The following IL33 variants were observed in gnomAD, a reference collection of about 807,000 sequenced individuals.
The protein encoded by IL33 is interleukin 33, also known as interleukin-33.
IL33 carries 37 observed loss-of-function variants against 27.3 expected under a neutral mutation model. That is an observed-to-expected ratio of 1.36 (90% CI 1.04 to 1.78). The LOEUF (loss-of-function observed/expected upper bound fraction) is 1.78. Among genes scored for constraint, IL33 ranks in the 40% most tolerant of loss-of-function variants. The probability of loss-of-function intolerance (pLI) is 0.00; values close to 1 mark genes in which losing one functional copy is unlikely to be tolerated. For missense variants in IL33, 406 were observed against 311.4 expected (o/e 1.30, Z -2.29); for synonymous variants, 132 against 102.9 (o/e 1.28, Z -1.71).
intron 1 of IL33, among the ~76,000 whole-genome samples, chr9:6,228,819 C>T (rs1236655347): frequency 6.7e-6 from 1 of 148,606 alleles, no homozygotes; most frequent in East Asian, 2.0e-4. Flanking sequence ...TGCCCTCCAG[C>T]CTAGGTGACA....
At chr9:6,231,053 T>C (rs1818904966) in intron 1 of IL33, among the ~76,000 whole-genome samples, 1 of 152,166 alleles carries the variant, frequency 6.6e-6, no homozygotes, top group African/African-American at 2.4e-5. Context: ...GCTACTACTA[T>C]CATCATTATC....
intron 2 of IL33, among the ~76,000 whole-genome samples, chr9:6,246,320 T>C (rs999883156): frequency 1.1e-4 from 17 of 152,064 alleles, no homozygotes; most frequent in African/African-American, 4.1e-4. Flanking sequence ...TCCCAGCACT[T>C]TGGGAGGCCA....
intron 2 of IL33, among the ~76,000 whole-genome samples, chr9:6,248,276 C>T (rs144510270): frequency 1.4e-3 from 181 of 129,522 alleles, no homozygotes; most frequent in African/African-American, 4.7e-3. Flanking sequence ...GACAGAGTCT[C>T]GCTCTGTCGC....
At position 6,240,855 on chromosome 9, in the gene IL33, CTT is replaced by C. The variant is rs574991821; in HGVS notation, c.-11-828_-11-827del. On this transcript the variant is annotated intron_variant, in intron 1 of 7. Transcript: ENST00000682010. ...TAATGTTTTGACTCTTGTAATAACA[CTT>C]AGCTTAAAATACAAACATCATACAG... Among the ~76,000 whole-genome samples, 10 of 152,152 alleles carry C rather than the reference CTT, an allele frequency of 6.6e-5. No homozygotes were observed. In the East Asian group the frequency reaches 1.9e-3, roughly 29 times the overall value.
chr9:6,246,525 G>A (rs1430105183), intron 2 of IL33, among the ~76,000 whole-genome samples: 2 of 151,980 alleles, frequency 1.3e-5, no homozygotes, highest in African/African-American at 4.8e-5. Context: ...TTGCACCACT[G>A]CACTCCAGCC....
At chr9:6,227,336 A>G (rs1818683980) in intron 1 of IL33, among the ~76,000 whole-genome samples, 2 of 152,188 alleles carry the variant, frequency 1.3e-5, no homozygotes, top group African/African-American at 4.8e-5. Context: ...ACTTTAGAAA[A>G]AAGCCAAGTT....
chr9:6,231,379 C>T (rs1006790871), intron 1 of IL33, among the ~76,000 whole-genome samples: 2 of 152,198 alleles, frequency 1.3e-5, no homozygotes, highest in Non-Finnish European at 2.9e-5. Context: ...CTAGCACTCT[C>T]TGTTCACTGA....
intron 1 of IL33, among the ~76,000 whole-genome samples, chr9:6,239,054 A>C (rs545112755): frequency 4.6e-5 from 7 of 152,292 alleles, no homozygotes; most frequent in Admixed American, 4.6e-4. Flanking sequence ...GAGAGAAAGA[A>C]CAAAGAAACC....
In IL33 at chr9:6,256,531, G is replaced by T. The variant is rs1816742586; in HGVS notation, c.*363G>T. 1 of 369,228 alleles carries T rather than the reference G, an allele frequency of 2.7e-6. No individual in the cohort carries two copies. The highest frequency in any genetic ancestry group is 2.1e-5 in the African/African-American group (1 of 48,126). 22.9% of individuals were successfully genotyped at this position (369,228 alleles called of 1,614,324 possible). ...AAAGAGCCATAGCTTAAGTCTCTAT[G>T]TAGACAGGGATCCATTTTAAAGAGC... On this transcript the variant is annotated 3_prime_UTR_variant, in exon 8 of 8. Transcript: ENST00000682010.
At chr9:6,220,671 T>C (rs1818370187) in intron 1 of IL33, among the ~76,000 whole-genome samples, 1 of 152,212 alleles carries the variant, frequency 6.6e-6, no homozygotes, top group African/African-American at 2.4e-5. Context: ...ATATTATTTG[T>C]CCACATTCTT....
chr9:6,252,873 AC>A lies in IL33; in HGVS notation c.353del (p.Pro118LeufsTer9). 1.6e-5 allele frequency: 26 copies of A among 1,601,672 alleles called. No homozygotes were observed. The highest frequency in any genetic ancestry group is 2.1e-5 in the Non-Finnish European group (25 of 1,176,974). ...LHDSSITGIS[P>X]ITEYLASLST... The stretch of plus-strand genomic sequence containing the variant: ...TTGAATTCTTAACAACAGGAATTTC[AC>A]CTATTACAGAGTATCTTGCTTCTCT... On this transcript the variant is annotated frameshift_variant, in exon 5 of 8. Coordinates refer to ENST00000682010, the MANE Select transcript of IL33 (RefSeq NM_033439.4). LOFTEE classifies it high-confidence loss of function.
chr9:6,219,833 C>T (rs192389274), intron 1 of IL33, among the ~76,000 whole-genome samples: 1 of 152,278 alleles, frequency 6.6e-6, no homozygotes, highest in East Asian at 1.9e-4. Context: ...GAAATTGAGA[C>T]AGTGGGATTT....
At chr9:6,216,703 A>G (rs543174133) in intron 1 of IL33, among the ~76,000 whole-genome samples, 3 of 152,300 alleles carry the variant, frequency 2.0e-5, no homozygotes, top group Admixed American at 6.5e-5. Context: ...AGGCAAGATC[A>G]TGCCATTACA....
rs557833104 is a variant in IL33, at chr9:6,241,766, C to T, written c.72C>T (p.Ala24=). The part of the protein sequence containing the change: ...TAKWKNTASK[A]LCFKLGKSQQ... ...AGTGGAAGAACACAGCAAGCAAAGC[C>T]TTGTGTTTCAAGCTGGGAAGTAAGG... Residue 24 remains alanine, a synonymous_variant, in exon 2 of 8, where the codon GCC becomes GCT. Transcript: ENST00000682010. 2 of 1,610,302 alleles carry T rather than the reference C, an allele frequency of 1.2e-6. No homozygotes were observed. Among genetic ancestry groups the T allele is most frequent in the Non-Finnish European group, 1.7e-6 (2 of 1,177,824 alleles).
chr9:6,223,894 C>A (rs1050857043), intron 1 of IL33, among the ~76,000 whole-genome samples: 1 of 152,096 alleles, frequency 6.6e-6, no homozygotes, highest in East Asian at 1.9e-4. Flanking sequence ...TCTACTCTAC[C>A]ATCCTCAGAG....
rs911079173 is a variant in IL33 at position 6,256,968 on chromosome 9, A to T, written c.*800A>T. 2 of 152,140 alleles carry T rather than the reference A, an allele frequency of 1.3e-5. No individual in the cohort carries two copies. The highest frequency in any genetic ancestry group is 4.8e-5 in the African/African-American group (2 of 41,436). The allele number at this position is 152,140 out of a possible 1,614,324, so 9.4% of individuals were successfully genotyped here. A position where few individuals can be genotyped will look rare whatever the true frequency, so the allele number is the denominator to read the frequency against. On this transcript the variant is annotated 3_prime_UTR_variant, in exon 8 of 8. Transcript: ENST00000682010. ...ACATAAAATTTCACTTATTAGGAAT[A>T]TGTAACATGCTAAAACTTTTTTTTT...
chr9:6,243,344 T>G lies in IL33; in HGVS notation c.91+1559T>G, dbSNP rs1187408921. 2.6e-5 allele frequency among the ~76,000 whole-genome samples: 4 copies of G among 152,152 alleles called. No individual in the cohort carries two copies. The South Asian group carries it at 6.2e-4, about 24-fold the overall frequency. On this transcript the variant is annotated intron_variant, in intron 2 of 7. Coordinates refer to ENST00000682010, the MANE Select transcript of IL33 (RefSeq NM_033439.4). ...AATTATCTGTCCTAGGAAAGAAGCA[T>G]GCAAATTTATTTATTTATTTATTTT...
At chr9:6,252,677 C>A (rs1469051092) in intron 4 of IL33, among the ~76,000 whole-genome samples, 189 bp from the exon 5 acceptor site, 1 of 152,196 alleles carries the variant, frequency 6.6e-6, no homozygotes, top group Non-Finnish European at 1.5e-5. Flanking sequence ...GACACTAGCA[C>A]CTTTAATCCC....
chr9:6,252,714 A>C, intron 4 of IL33, 152 bp from the exon 5 acceptor site: 1 of 820,984 alleles, frequency 1.2e-6, no homozygotes, highest in Non-Finnish European at 1.9e-6. Context: ...TCAGCCTTTT[A>C]GCTATGTAAA....
Sources: allele counts gnomAD v4.1 joint callset (sites outside exome capture counted in the v4.1 genomes callset), GRCh38; gene constraint gnomAD v4.1.1; transcripts MANE v1.5; gene names NCBI Gene and HGNC (gene_info 2026-07-23, HGNC 2026-07-21).